MYO18B: variants seen among roughly 807,000 people sequenced by gnomAD.
The protein encoded by MYO18B is myosin XVIIIB, also known as unconventional myosin-XVIIIb.
In MYO18B, 204 loss-of-function variants were observed where a neutral mutation model predicts 273.0. The ratio of observed to expected loss-of-function variants is 0.75; its 90% CI spans 0.67 to 0.84. The LOEUF (loss-of-function observed/expected upper bound fraction) is 0.84. MYO18B is among the 40% of genes least tolerant of loss of function. MYO18B has a pLI of 0.00. For synonymous variants in MYO18B, 1,330 were observed against 1,305.7 expected (o/e 1.02, Z -0.40); for missense variants, 3,212 against 3,287.6 (o/e 0.98, Z 0.56).
intron 42 of MYO18B, among the ~76,000 whole-genome samples, chr22:26,014,451 C>T (rs1245506909): frequency 6.6e-6 from 1 of 152,136 alleles, no homozygotes; most frequent in Non-Finnish European, 1.5e-5. Flanking sequence ...GGGAAAGTGC[C>T]ACATCATACT....
chr22:25,868,774 T>A (rs1190686243), intron 22 of MYO18B, among the ~76,000 whole-genome samples: 1 of 152,116 alleles, frequency 6.6e-6, no homozygotes, highest in Non-Finnish European at 1.5e-5. Flanking sequence ...ACAGCTATAG[T>A]CATAGCTGAT....
chr22:25,976,952 T>C (rs893798549), intron 39 of MYO18B, among the ~76,000 whole-genome samples: 4 of 152,204 alleles, frequency 2.6e-5, no homozygotes, highest in Non-Finnish European at 5.9e-5. Context: ...AACAGTATGA[T>C]AGATAATTAT....
chr22:25,833,103 C>T, intron 16 of MYO18B, 106 bp downstream of exon 16: 1 of 1,045,068 alleles, frequency 9.6e-7, no homozygotes. Context: ...CCGTGTGCAC[C>T]TAGAGTCACC....
At chr22:25,969,597 C>T (rs2093014879) in intron 39 of MYO18B, among the ~76,000 whole-genome samples, 1 of 151,994 alleles carries the variant, frequency 6.6e-6, no homozygotes, top group Non-Finnish European at 1.5e-5. Flanking sequence ...ACTACCTGGT[C>T]CTTTACAGAA....
chr22:25,817,374 T>TCTCC lies in MYO18B; in HGVS notation c.2522-6112_2522-6109dup, dbSNP rs149628916. 2.3e-3 allele frequency among the ~76,000 whole-genome samples: 330 copies of TCTCC among 140,586 alleles called. 3 individuals are homozygous for TCTCC. The highest frequency in any genetic ancestry group is 8.3e-3 in the African/African-American group (309 of 37,190). The allele number at this position is 140,586 out of a possible 152,430, so 92.2% of individuals were successfully genotyped here. ...CTTTCTTTCTCTCTCTCTCCTTCCTTCTCCCTCCCTCCCTCCCTCCCTTCC... is the reference window on the plus strand; with the variant it reads ...CTTTCTTTCTCTCTCTCTCCTTCCTTCTCCCTCCCTCCCTCCCTCCCTCCCTTCC... On this transcript the variant is annotated intron_variant, in intron 12 of 43. Coordinates refer to ENST00000335473, the MANE Select transcript of MYO18B (RefSeq NM_032608.7).
At position 26,026,582 on chromosome 22, in the gene MYO18B, G is replaced by C. The variant is rs1936256813; in HGVS notation, c.6608G>C (p.Cys2203Ser). Residue 2203 changes from cysteine (C) to serine (S), a missense_variant, in exon 43 of 44, where the codon TGT becomes TCT. Physicochemically the swap from Cys to Ser is moderately radical, Grantham distance 112. Coordinates refer to ENST00000335473, the MANE Select transcript of MYO18B (RefSeq NM_032608.7). ...SPHFVRRQKY[C>S]HFGDGEVLAV... is the part of the protein sequence containing the mutation. The stretch of plus-strand genomic sequence containing the variant: ...CACTTTGTCCGCCGGCAAAAGTACT[G>C]TCATTTTGGGGACGGCGAAGTGCTT... The C allele has an allele frequency of 2.5e-6, 4 of 1,613,776 alleles. No individual in the cohort carries two copies. Among genetic ancestry groups the C allele is most frequent in the Non-Finnish European group, 2.5e-6 (3 of 1,179,888 alleles).
At chr22:25,948,437 TCC>T (rs1186687375) in intron 36 of MYO18B, among the ~76,000 whole-genome samples, 4 of 113,370 alleles carry the variant, frequency 3.5e-5, no homozygotes, top group Admixed American at 1.7e-4. Context: ...CTTCCTTCCT[TCC>T]TTCCTTCCTT....
chr22:25,780,992 G>T (rs1399846363), intron 9 of MYO18B, among the ~76,000 whole-genome samples: 1 of 152,158 alleles, frequency 6.6e-6, no homozygotes, highest in East Asian at 1.9e-4. Flanking sequence ...GTTATTAGAA[G>T]GGTTGTTTGT....
chr22:25,832,764 T>C (rs1187054944), intron 15 of MYO18B, among the ~76,000 whole-genome samples, 153 bp from the exon 16 acceptor site: 1 of 150,270 alleles, frequency 6.7e-6, no homozygotes, highest in Non-Finnish European at 1.5e-5. Context: ...TGGTAAATTT[T>C]CTGCTATGTA....
chr22:26,061,263 C>G, the MYO18B span, among the ~76,000 whole-genome samples: 1 of 152,156 alleles, frequency 6.6e-6, no homozygotes, highest in South Asian at 2.1e-4. Flanking sequence ...TAACCAGTTT[C>G]TTTTATCAAA....
At chr22:25,902,585 G>T (rs781075390) in intron 29 of MYO18B, 28 bp from the exon 30 acceptor site, 15 of 1,598,080 alleles carry the variant, frequency 9.4e-6, no homozygotes, top group Non-Finnish European at 1.2e-5. Flanking sequence ...TGCCTACGGG[G>T]CCCTGACACG....
Position 25,952,328 on chromosome 22 carries a change from A to G in MYO18B, c.5875A>G (p.Thr1959Ala), listed in dbSNP as rs1461691718. 2 of 1,611,800 alleles carry G rather than the reference A, an allele frequency of 1.2e-6. No individual in the cohort carries two copies. Among genetic ancestry groups the G allele is most frequent in the East Asian group, 2.2e-5 (1 of 44,828 alleles). The change falls in exon 38 of 44, where the codon ACC (threonine) becomes GCC (alanine). Residue 1959 changes from threonine to alanine, a missense_variant. Transcript: ENST00000335473. ...QMRIEYLEQS[T>A]VDRAIVSRQE... ...GCGCATCGAGTACCTGGAACAGTCC[A>G]CCGTGGATCGAGCCATCGTCAGCAG...
chr22:26,042,051 T>C, the MYO18B span, among the ~76,000 whole-genome samples: 1 of 152,218 alleles, frequency 6.6e-6, no homozygotes, highest in African/African-American at 2.4e-5. Flanking sequence ...AGGCGAGGCC[T>C]GTGCCCTCTT....
chr22:25,914,516 A>ATATTTCAAC (rs1330707445), intron 33 of MYO18B, among the ~76,000 whole-genome samples: 2 of 151,850 alleles, frequency 1.3e-5, no homozygotes, highest in Non-Finnish European at 2.9e-5. Context: ...TATTCTATCT[A>ATATTTCAAC]TATTTCAACT....
At chr22:25,870,783 A>G (rs2091025695) in intron 22 of MYO18B, among the ~76,000 whole-genome samples, 1 of 152,200 alleles carries the variant, frequency 6.6e-6, no homozygotes, top group Non-Finnish European at 1.5e-5. Flanking sequence ...GGCAATCTGT[A>G]TAACAAGCCC....
intron 7 of MYO18B, among the ~76,000 whole-genome samples, chr22:25,774,351 C>T (rs2086835692): frequency 6.6e-6 from 1 of 152,194 alleles, no homozygotes; most frequent in Admixed American, 6.5e-5. Context: ...GCTTAGGCTT[C>T]TGTTGCTGCA....
intron 27 of MYO18B, among the ~76,000 whole-genome samples, chr22:25,894,209 T>G (rs1300355914): frequency 6.6e-6 from 1 of 152,240 alleles, no homozygotes; most frequent in Admixed American, 6.5e-5. Flanking sequence ...AGCTGTCTTT[T>G]TACTTGTTTC....
Position 26,027,107 on chromosome 22 carries a change from C to A in MYO18B, c.7133C>A (p.Pro2378His). Reference protein sequence around the residue: ...PTTPRDMLLSPTLRPRRRCLE... With the variant: ...PTTPRDMLLSHTLRPRRRCLE... ...ACACCCAGGGACATGCTGTTGTCGC[C>A]CACACTGCGTCCTCGGAGGCGGTGT... Residue 2378 changes from proline to histidine, a missense_variant, in exon 43 of 44, where the codon CCC (proline) becomes CAC (histidine). Pro to His is a moderately conservative substitution (Grantham distance 77). Transcript: ENST00000335473. This position sits in a 1 kb window ranked among gnomAD's most constrained non-coding sequence, Gnocchi z 4.1. The A allele has an allele frequency of 6.2e-7, 1 of 1,613,974 alleles. No individual in the cohort carries two copies. Among genetic ancestry groups the A allele is most frequent in the Non-Finnish European group, 8.5e-7 (1 of 1,179,888 alleles).
At chr22:25,891,227 G>A (rs1454585100) in intron 26 of MYO18B, 77 bp from the exon 27 acceptor site, 5 of 1,116,440 alleles carry the variant, frequency 4.5e-6, no homozygotes, top group African/African-American at 3.1e-5. Flanking sequence ...CCGAGCCTTG[G>A]AAGCACTTCA....
Sources: gnomAD v4.1 joint callset for allele counts (sites outside exome capture counted in the v4.1 genomes callset) on GRCh38, gnomAD v4.1.1 for gene constraint, Gnocchi (gnomAD v3.1) non-coding constraint, MANE v1.5 for transcripts, NCBI Gene and HGNC (gene_info 2026-07-23, HGNC 2026-07-21) for gene names.